CEP112: variants seen among roughly 807,000 people sequenced by gnomAD.
The protein encoded by CEP112 is centrosomal protein 112, also known as centrosomal protein of 112 kDa.
In CEP112, 127 loss-of-function variants were observed where a neutral mutation model predicts 153.0. That is an observed-to-expected ratio of 0.83 (90% CI 0.72 to 0.96). The LOEUF (loss-of-function observed/expected upper bound fraction) is 0.96. Ranked by LOEUF, CEP112 falls within the 40% of genes least tolerant of loss-of-function variation. The pLI, the probability that CEP112 is intolerant of heterozygous loss-of-function variation, is 0.00. For missense variants in CEP112, 1,089 were observed against 1,101.2 expected (o/e 0.99, Z 0.16); for synonymous variants, 358 against 374.4 (o/e 0.96, Z 0.51).
At chr17:65,934,407 G>A (rs2061235443) in intron 18 of CEP112, among the ~76,000 whole-genome samples, 1 of 151,908 alleles carries the variant, frequency 6.6e-6, no homozygotes, top group Non-Finnish European at 1.5e-5. Context: ...AAAAAGAAAG[G>A]ATTCAAAGCA....
intron 17 of CEP112, among the ~76,000 whole-genome samples, chr17:65,971,479 G>GTA (rs140476317): frequency 0.42 from 62,759 of 149,918 alleles, 14,366 homozygotes; most frequent in East Asian, 0.87. Context: ...TATCATGCAT[G>GTA]TATGACATGA....
chr17:65,716,751 A>G (rs1598387226), intron 23 of CEP112, among the ~76,000 whole-genome samples: 1 of 152,182 alleles, frequency 6.6e-6, no homozygotes, highest in Non-Finnish European at 1.5e-5. Flanking sequence ...ATCAATTCAA[A>G]ATGTGGGGAT....
At chr17:65,957,905 G>T (rs1346843702) in intron 18 of CEP112, among the ~76,000 whole-genome samples, 1 of 152,042 alleles carries the variant, frequency 6.6e-6, no homozygotes, top group African/African-American at 2.4e-5. Context: ...TTATGACAAA[G>T]AGTTTTAGTA....
intron 20 of CEP112, among the ~76,000 whole-genome samples, chr17:65,888,855 T>G (rs769092478): frequency 2.0e-5 from 3 of 152,088 alleles, no homozygotes; most frequent in African/African-American, 7.2e-5. Flanking sequence ...AAGCTCCTTA[T>G]CTCCCATTAG....
intron 17 of CEP112, among the ~76,000 whole-genome samples, chr17:65,985,325 C>A (rs145814626): frequency 6.6e-6 from 1 of 152,052 alleles, no homozygotes; most frequent in Non-Finnish European, 1.5e-5. Context: ...AAAGAAAACA[C>A]CCTATAAATT....
At chr17:66,105,282 A>G (rs1048782553) in intron 6 of CEP112, among the ~76,000 whole-genome samples, 13 of 152,164 alleles carry the variant, frequency 8.5e-5, no homozygotes, top group Non-Finnish European at 7.4e-5. Flanking sequence ...ACCTACAACA[A>G]ATGCACAAAA....
chr17:65,912,312 G>A (rs181794153), intron 19 of CEP112, among the ~76,000 whole-genome samples: 55 of 152,134 alleles, frequency 3.6e-4, no homozygotes, highest in Middle Eastern at 3.4e-3. Context: ...CTATCCAAGT[G>A]CCCCATGTAG....
intron 19 of CEP112, among the ~76,000 whole-genome samples, chr17:65,911,252 C>T (rs1052607595): frequency 2.2e-4 from 34 of 152,170 alleles, no homozygotes; most frequent in African/African-American, 8.2e-4. Context: ...AAATAAAAAG[C>T]TAAGTTTATA....
chr17:66,049,089 G>A (rs1038605536), intron 12 of CEP112, among the ~76,000 whole-genome samples: 6 of 152,160 alleles, frequency 3.9e-5, no homozygotes, highest in Non-Finnish European at 8.8e-5. Flanking sequence ...GATCGCACAT[G>A]GGAATTTGCA....
At chr17:65,911,742 TTAATA>T (rs1370414595) in intron 19 of CEP112, among the ~76,000 whole-genome samples, 1 of 152,204 alleles carries the variant, frequency 6.6e-6, no homozygotes, top group Non-Finnish European at 1.5e-5. Context: ...CACATATAAT[TTAATA>T]TTTTAATTAA....
At chr17:65,679,129 CTTTTTTTTTTTTTT>C (rs57907674) in intron 24 of CEP112, among the ~76,000 whole-genome samples, 154 of 31,570 alleles carry the variant, frequency 4.9e-3, no homozygotes, top group Middle Eastern at 0.024. Context: ...GTGGTTCAAG[CTTTTTTTTTTTTTT>C]TTTTTTTTTT....
At chr17:65,922,529 A>G (rs1439768169) in intron 19 of CEP112, among the ~76,000 whole-genome samples, 2 of 152,148 alleles carry the variant, frequency 1.3e-5, no homozygotes, top group African/African-American at 4.8e-5. Context: ...AATGCAGATC[A>G]GGTGCTGACA....
At chr17:66,047,570 T>C (rs2066266203) in intron 12 of CEP112, among the ~76,000 whole-genome samples, 1 of 152,244 alleles carries the variant, frequency 6.6e-6, no homozygotes, top group Admixed American at 6.5e-5. Flanking sequence ...AGCTTGTATA[T>C]CTTTTTGCAA....
intron 22 of CEP112, among the ~76,000 whole-genome samples, chr17:65,744,222 GTTTT>G (rs894613398): frequency 9.5e-5 from 14 of 147,792 alleles, no homozygotes; most frequent in East Asian, 2.0e-4. Flanking sequence ...GACTTTATGG[GTTTT>G]TTTGTGTTTT....
rs113334102 is a variant in CEP112, at chr17:66,182,814, G to A, written c.106+380C>T. The stretch of plus-strand genomic sequence containing the variant: ...ATTTTCTGCTTTGATAGACAGGGCC[G>A]GAGAACAGGAGAACACTAGGCTCCT... On this transcript the variant is annotated intron_variant, in intron 2 of 26. Coordinates refer to ENST00000535342, the MANE Select transcript of CEP112 (RefSeq NM_001199165.4). 5.5e-3 allele frequency among the ~76,000 whole-genome samples: 831 copies of A among 152,254 alleles called. 4 individuals carry two copies. The highest frequency in any genetic ancestry group is 0.01 in the Middle Eastern group (3 of 294).
intron 21 of CEP112, among the ~76,000 whole-genome samples, chr17:65,844,676 CAA>C (rs1351732289): frequency 2.3e-5 from 3 of 130,610 alleles, no homozygotes; most frequent in Admixed American, 7.9e-5. Flanking sequence ...GACTCTATCT[CAA>C]AAAAAAAAAA....
chr17:66,088,017 T>C (rs913547504), intron 8 of CEP112, among the ~76,000 whole-genome samples: 1 of 149,092 alleles, frequency 6.7e-6, no homozygotes. Flanking sequence ...ACTGGCCCAG[T>C]AGATTTAGTC....
chr17:65,835,140 G>T (rs1166231912), intron 21 of CEP112, among the ~76,000 whole-genome samples: 1 of 147,838 alleles, frequency 6.8e-6, no homozygotes, highest in African/African-American at 2.5e-5. Flanking sequence ...GTAGCTAAAT[G>T]ATGTTACCTA....
chr17:65,754,143 G>A (rs1196807586), intron 21 of CEP112, among the ~76,000 whole-genome samples: 1 of 152,152 alleles, frequency 6.6e-6, no homozygotes, highest in Non-Finnish European at 1.5e-5. Context: ...TAAAAGTTAG[G>A]GGGTACTTTA....
Sources: allele counts gnomAD v4.1 joint callset (sites outside exome capture counted in the v4.1 genomes callset), GRCh38; gene constraint gnomAD v4.1.1; transcripts MANE v1.5; gene names NCBI Gene and HGNC (gene_info 2026-07-23, HGNC 2026-07-21).